Variants in CEP85L observed in about 807,000 individuals in gnomAD.
CEP85L encodes the protein centrosomal protein 85L, also known as centrosomal protein of 85 kDa-like.
CEP85L carries 60 observed loss-of-function variants against 100.3 expected under a neutral mutation model. The ratio of observed to expected loss-of-function variants is 0.60; its 90% CI spans 0.49 to 0.74. The LOEUF (loss-of-function observed/expected upper bound fraction) is 0.74. CEP85L is among the 30% of genes least tolerant of loss of function. The pLI, the probability that CEP85L is intolerant of heterozygous loss-of-function variation, is 0.00. For synonymous variants in CEP85L, 319 were observed against 322.7 expected (o/e 0.99, Z 0.12); for missense variants, 973 against 936.2 (o/e 1.04, Z -0.51).
chr6:118,498,332 AAAAAAT>A (rs903150051), intron 5 of CEP85L, among the ~76,000 whole-genome samples: 177 of 152,252 alleles, frequency 1.2e-3, no homozygotes, highest in African/African-American at 4.1e-3. Flanking sequence ...CCATATCTAC[AAAAAAT>A]AAAAATAAAT....
intron 2 of CEP85L, among the ~76,000 whole-genome samples, chr6:118,577,748 A>C (rs898557980): frequency 4.6e-5 from 7 of 152,214 alleles, no homozygotes; most frequent in African/African-American, 1.7e-4. Context: ...TTAACACCCT[A>C]GCAAATGAAT....
intron 1 of CEP85L, among the ~76,000 whole-genome samples, chr6:118,700,306 C>T (rs1777367515): frequency 1.3e-5 from 2 of 152,216 alleles, no homozygotes; most frequent in Non-Finnish European, 2.9e-5. Flanking sequence ...AACCTGTTGG[C>T]TTCCTTCACC....
chr6:118,481,859 G>C lies in CEP85L; in HGVS notation c.1665C>G (p.Ile555Met), dbSNP rs1773808694. Reference protein sequence around the residue: ...LIDTEKKLEEIKKQCQDKETQ... With the variant: ...LIDTEKKLEEMKKQCQDKETQ... ...TCTCTTTATCTTGACACTGCTTTTTGATCTCTTCAAGTTTTTTTTCTGTAT... is the reference window on the plus strand; with the variant it reads ...TCTCTTTATCTTGACACTGCTTTTTCATCTCTTCAAGTTTTTTTTCTGTAT... The change falls in exon 8 of 13, where the codon ATC (isoleucine) becomes ATG (methionine). Residue 555 changes from isoleucine to methionine, a missense_variant. Physicochemically the swap from Ile to Met is conservative, Grantham distance 10. Coordinates refer to ENST00000368491, the MANE Select transcript of CEP85L (RefSeq NM_001042475.3). 11 of 1,591,132 alleles carry C rather than the reference G, an allele frequency of 6.9e-6. No individual in the cohort carries two copies. Among genetic ancestry groups the C allele is most frequent in the African/African-American group, 1.4e-5 (1 of 73,818 alleles).
chr6:118,491,804 T>C lies in CEP85L; in HGVS notation c.1319A>G (p.Gln440Arg). Residue 440 changes from glutamine to arginine, a missense_variant, in exon 6 of 13, where the codon CAA (glutamine) becomes CGA (arginine). Physicochemically the swap from Gln to Arg is conservative, Grantham distance 43. Transcript: ENST00000368491. ...AAGCTTTTGCTCAAATTCCCCTTGT[T>C]GGGAATGGGAAACTGATTCCTCTGA... Reference protein sequence around the residue: ...PFSEESVSHSQQGEFEQKLAS... With the variant: ...PFSEESVSHSRQGEFEQKLAS... The C allele has an allele frequency of 4.3e-6, 7 of 1,613,032 alleles. No homozygotes were observed. The highest frequency in any genetic ancestry group is 5.9e-6 in the Non-Finnish European group (7 of 1,179,468).
chr6:118,600,372 A>AGTGTGTGT (rs1562298193), intron 2 of CEP85L, among the ~76,000 whole-genome samples: 3 of 62,772 alleles, frequency 4.8e-5, no homozygotes, highest in African/African-American at 2.2e-4. Context: ...TGTGTGTGTA[A>AGTGTGTGT]CGCCATGGAG....
intron 2 of CEP85L, among the ~76,000 whole-genome samples, chr6:118,608,051 C>A (rs1226578334): frequency 6.6e-6 from 1 of 152,152 alleles, no homozygotes; most frequent in Non-Finnish European, 1.5e-5. Flanking sequence ...AGGATGGCTG[C>A]TCCACAGCCT....
chr6:118,708,028 T>C (rs1201829892), intron 1 of CEP85L, among the ~76,000 whole-genome samples: 3 of 152,110 alleles, frequency 2.0e-5, no homozygotes, highest in South Asian at 4.2e-4. Context: ...AAAAAACATA[T>C]ATAGACTTCA....
intron 1 of CEP85L, among the ~76,000 whole-genome samples, chr6:118,659,870 G>A (rs371299948): frequency 3.3e-5 from 5 of 152,198 alleles, no homozygotes; most frequent in Admixed American, 6.5e-5. Flanking sequence ...GCCTGCCGCC[G>A]TCCTAACTTG....
At chr6:118,517,039 C>G (rs1393136899) in intron 4 of CEP85L, among the ~76,000 whole-genome samples, 1 of 150,956 alleles carries the variant, frequency 6.6e-6, no homozygotes, top group Admixed American at 6.6e-5. Flanking sequence ...TCAGGTTTGT[C>G]AAAGATCAGA....
intron 3 of CEP85L, among the ~76,000 whole-genome samples, chr6:118,549,573 T>C (rs1299270085): frequency 6.6e-6 from 1 of 151,894 alleles, no homozygotes; most frequent in Non-Finnish European, 1.5e-5. Flanking sequence ...TGTAACTCTG[T>C]AAGCAGCTTT....
chr6:118,681,772 C>G (rs1776669126), intron 1 of CEP85L, among the ~76,000 whole-genome samples: 1 of 133,454 alleles, frequency 7.5e-6, no homozygotes, highest in African/African-American at 2.8e-5. Context: ...TTTTTTGAGA[C>G]AGAGTCTCGC....
At chr6:118,653,740 ACT>A (rs1219403305), upstream of CEP85L, among the ~76,000 whole-genome samples, 2 of 135,552 alleles carry the variant, frequency 1.5e-5, no homozygotes, top group Non-Finnish European at 3.2e-5. Context: ...GAAAATAGTG[ACT>A]CTGTGTATGT....
chr6:118,524,153 C>G (rs1776825424), intron 3 of CEP85L, among the ~76,000 whole-genome samples: 1 of 152,094 alleles, frequency 6.6e-6, no homozygotes, highest in African/African-American at 2.4e-5. Context: ...TTTATCCTGG[C>G]AAATTATAAA....
At chr6:118,647,004 C>A in intron 1 of CEP85L, 1 of 985,308 alleles carries the variant, frequency 1.0e-6, no homozygotes, top group Non-Finnish European at 1.2e-6. Flanking sequence ...CCAAAGTCAT[C>A]ACTAAAGTTA....
At chr6:118,648,105 T>C (rs1352283077) in intron 1 of CEP85L, among the ~76,000 whole-genome samples, 1 of 152,012 alleles carries the variant, frequency 6.6e-6, no homozygotes, top group Non-Finnish European at 1.5e-5. Context: ...AATACAAAAA[T>C]TAGCTGGGTG....
chr6:118,523,254 G>A (rs1015417281), intron 4 of CEP85L, among the ~76,000 whole-genome samples: 1 of 152,140 alleles, frequency 6.6e-6, no homozygotes, highest in Non-Finnish European at 1.5e-5. Flanking sequence ...CAATACTCAG[G>A]AGACTGTCTA....
At chr6:118,569,481 AT>A (rs1779757421) in intron 2 of CEP85L, among the ~76,000 whole-genome samples, 1 of 150,952 alleles carries the variant, frequency 6.6e-6, no homozygotes, top group South Asian at 2.1e-4. Flanking sequence ...ATTCAAAAAA[AT>A]AAATAAATAA....
chr6:118,604,394 C>G (rs1583151137), intron 2 of CEP85L, among the ~76,000 whole-genome samples: 1 of 152,282 alleles, frequency 6.6e-6, no homozygotes, highest in East Asian at 1.9e-4. Flanking sequence ...CAATTTTTTT[C>G]ACACCATCCA....
intron 3 of CEP85L, among the ~76,000 whole-genome samples, chr6:118,553,925 A>T (rs1210550258): frequency 1.3e-5 from 2 of 152,196 alleles, no homozygotes; most frequent in Non-Finnish European, 2.9e-5. Context: ...CTTGAGGAAA[A>T]TATTAGAGCT....
Sources: gnomAD v4.1 joint callset for allele counts (sites outside exome capture counted in the v4.1 genomes callset) on GRCh38, gnomAD v4.1.1 for gene constraint, MANE v1.5 for transcripts, NCBI Gene and HGNC (gene_info 2026-07-23, HGNC 2026-07-21) for gene names.